The following PAICS variants were observed in gnomAD, a reference collection of about 807,000 sequenced individuals.
PAICS encodes phosphoribosylaminoimidazole carboxylase and phosphoribosylaminoimidazolesuccinocarboxamide synthase.
Under a neutral mutation model 53.7 loss-of-function variants are expected in PAICS, and 33 were observed. That is an observed-to-expected ratio of 0.61 (90% confidence interval 0.47 to 0.82). PAICS has a LOEUF of 0.82. PAICS is among the 40% of genes least tolerant of loss of function. The pLI is 0.00. For synonymous variants in PAICS, 141 were observed against 167.2 expected (o/e 0.84, Z 1.21); for missense variants, 394 against 494.1 (o/e 0.80, Z 1.92).
chr4:56,448,439 CA>C lies in PAICS; in HGVS notation c.416del (p.Gln139ArgfsTer7). ...FFKDDANNDP[Q>X]WSEEQLIAAK... ...ACAGGATGATGCCAATAATGACCCA[CA>C]GTGGTCTGAGGAACAGCTGATTGCT... On this transcript the variant is annotated frameshift_variant, in exon 4 of 9. Coordinates refer to ENST00000512576, the MANE Select transcript of PAICS (RefSeq NM_001079524.2). LOFTEE classifies it high-confidence loss of function. The C allele has an allele frequency of 6.2e-7, 1 of 1,603,396 alleles. No individual in the cohort carries two copies. The highest frequency in any genetic ancestry group is 1.1e-5 in the South Asian group (1 of 89,694).
In PAICS at chr4:56,463,832, AAAC is replaced by A. The variant is rs1458582671; in HGVS notation, c.*4299_*4301del. 5.3e-5 allele frequency: 8 copies of A among 152,192 alleles called. No homozygotes were observed. The highest frequency in any genetic ancestry group is 1.9e-4 in the African/African-American group (8 of 41,442). 9.4% of individuals were successfully genotyped at this position (152,192 alleles called of 1,614,324 possible). Reference sequence around the variant, plus strand: ...CTACGGGATGCCTTGATAGCTGGTCAAACAACATTTCTAGGTACATCTGTGATG... The same window carrying A: ...CTACGGGATGCCTTGATAGCTGGTCAAACATTTCTAGGTACATCTGTGATG... On this transcript the variant is annotated 3_prime_UTR_variant, in exon 9 of 9. Transcript: ENST00000512576.
At chr4:56,427,005 C>G in the PAICS span, among the ~76,000 whole-genome samples, 1 of 152,248 alleles carries the variant, frequency 6.6e-6, no homozygotes, top group Middle Eastern at 3.4e-3. Flanking sequence ...AATATTCGTC[C>G]ATTTGTGCCT....
At chr4:56,458,129 G>A (rs1719319186) in intron 8 of PAICS, among the ~76,000 whole-genome samples, 1 of 152,166 alleles carries the variant, frequency 6.6e-6, no homozygotes, top group Admixed American at 6.5e-5. Context: ...TTATAGTAGT[G>A]TTGTTTCAGG....
At chr4:56,410,870 C>G in the PAICS span, 2 of 970,352 alleles carry the variant, frequency 2.1e-6, no homozygotes, top group East Asian at 1.2e-4. Context: ...AACGCTCAGC[C>G]CAAGTACAGC....
At chr4:56,416,604 T>C in the PAICS span, among the ~76,000 whole-genome samples, 54 of 152,364 alleles carry the variant, frequency 3.5e-4, no homozygotes, top group East Asian at 2.1e-3. Flanking sequence ...CTAAAGCAAA[T>C]GATTTCCTTA....
In PAICS at chr4:56,448,300, C is replaced by T. The variant is rs372132032; in HGVS notation, c.394-118C>T. On this transcript the variant is annotated intron_variant, in intron 3 of 8. Transcript: ENST00000512576. ...GATTACAGGCATGAGCCACCATGCC[C>T]GGCTGTGGCTAAAAATTTCTAAGGA... 2.6e-5 allele frequency: 17 copies of T among 651,344 alleles called. 1 individual carries two copies. The highest frequency in any genetic ancestry group is 4.0e-5 in the Non-Finnish European group (16 of 395,162). 40.3% of individuals were successfully genotyped at this position (651,344 alleles called of 1,614,324 possible).
At chr4:56,422,867 A>AC in the PAICS span, 9 of 152,250 alleles carry the variant, frequency 5.9e-5, no homozygotes, top group Admixed American at 5.9e-4. Context: ...CAGCATCAGC[A>AC]TTAACTGAGA....
chr4:56,435,557 G>C (rs1047854564), upstream of PAICS: 5 of 1,601,958 alleles, frequency 3.1e-6, no homozygotes, highest in African/African-American at 1.3e-5. Flanking sequence ...TCGGCCCGTC[G>C]AGCTCAGAAG....
At position 56,462,630 on chromosome 4, in the gene PAICS, C is replaced by A. The variant is rs999304927; in HGVS notation, c.*3092C>A. 2 of 152,172 alleles carry A rather than the reference C, an allele frequency of 1.3e-5. No individual in the cohort carries two copies. The highest frequency in any genetic ancestry group is 2.9e-5 in the Non-Finnish European group (2 of 68,030). 9.4% of individuals were successfully genotyped at this position (152,172 alleles called of 1,614,324 possible). ...TCAATATATGTAAGGCCCATCATGG[C>A]ACACAAATGTGTTATGTAATATCCA... On this transcript the variant is annotated 3_prime_UTR_variant, in exon 9 of 9. Transcript: ENST00000512576.
chr4:56,433,754 G>C (rs1717736146), upstream of PAICS, among the ~76,000 whole-genome samples: 1 of 151,810 alleles, frequency 6.6e-6, no homozygotes, highest in Non-Finnish European at 1.5e-5. Context: ...GAGTGCAGTG[G>C]CGTGATCTCT....
rs745894323 is a variant in PAICS at position 56,459,482 on chromosome 4, A to G, written c.1222A>G (p.Asn408Asp). 1 of 1,598,694 alleles carries G rather than the reference A, an allele frequency of 6.3e-7. No homozygotes were observed. Among genetic ancestry groups the G allele is most frequent in the South Asian group, 1.1e-5 (1 of 89,778 alleles). Residue 408 changes from asparagine to aspartate, a missense_variant, in exon 9 of 9, where the codon AAC (asparagine) becomes GAC (aspartate). This residue lies in a region of PAICS where 95 missense variants were observed against 89.3 expected (regional missense o/e 1.06). Transcript: ENST00000512576. ...VWSKLRASIL[N>D]TWISLKQADK... ...GAGCAAACTGCGAGCAAGCATTTTGAACACATGGATTTCCTTGAAGCAGGC... is the reference window on the plus strand; with the variant it reads ...GAGCAAACTGCGAGCAAGCATTTTGGACACATGGATTTCCTTGAAGCAGGC...
the PAICS span, among the ~76,000 whole-genome samples, chr4:56,417,287 A>G: frequency 1.3e-5 from 2 of 152,344 alleles, no homozygotes; most frequent in East Asian, 1.9e-4. Context: ...TTTGTAACCT[A>G]AATAAGAAAA....
chr4:56,428,652 C>G, the PAICS span, among the ~76,000 whole-genome samples: 38 of 152,100 alleles, frequency 2.5e-4, no homozygotes, highest in Non-Finnish European at 2.4e-4. Flanking sequence ...TCTAGACATT[C>G]CTCTTTGCAT....
chr4:56,443,391 T>G (rs1282037293), intron 2 of PAICS, among the ~76,000 whole-genome samples: 1 of 152,196 alleles, frequency 6.6e-6, no homozygotes, highest in East Asian at 1.9e-4. Flanking sequence ...TTTTGCCATA[T>G]TGGCCAGGCT....
chr4:56,426,000 A>G, the PAICS span, among the ~76,000 whole-genome samples: 1 of 152,178 alleles, frequency 6.6e-6, no homozygotes, highest in Non-Finnish European at 1.5e-5. Context: ...TGATTTACAT[A>G]CAATCAAATT....
intron 1 of PAICS, among the ~76,000 whole-genome samples, chr4:56,439,395 T>A (rs1389587947): frequency 6.6e-6 from 1 of 151,998 alleles, no homozygotes; most frequent in Non-Finnish European, 1.5e-5. Context: ...CACCAACACA[T>A]CCGGCTAATT....
At chr4:56,450,213 C>G (rs1718836498) in intron 5 of PAICS, among the ~76,000 whole-genome samples, 2 of 152,046 alleles carry the variant, frequency 1.3e-5, no homozygotes, top group Non-Finnish European at 2.9e-5. Flanking sequence ...GGAGAAATAC[C>G]TAATGCATAT....
At chr4:56,445,224 C>G (rs1381624031) in intron 2 of PAICS, among the ~76,000 whole-genome samples, 1 of 152,104 alleles carries the variant, frequency 6.6e-6, no homozygotes, top group Non-Finnish European at 1.5e-5. Context: ...GGCTCCATTA[C>G]CAAATGGCTA....
intron 8 of PAICS, among the ~76,000 whole-genome samples, chr4:56,454,234 A>G (rs1719075442): frequency 6.6e-6 from 1 of 152,168 alleles, no homozygotes; most frequent in Non-Finnish European, 1.5e-5. Flanking sequence ...GAGGTCTAGA[A>G]AGTCCTTGGG....
Sources: gnomAD v4.1 joint callset for allele counts (sites outside exome capture counted in the v4.1 genomes callset) on GRCh38, gnomAD v4.1.1 for gene constraint, gnomAD v4.1.1 regional missense constraint, MANE v1.5 for transcripts, NCBI Gene and HGNC (gene_info 2026-07-23, HGNC 2026-07-21) for gene names.